The following MLIP variants were observed in gnomAD, a reference collection of about 807,000 sequenced individuals.
MLIP encodes the protein muscular LMNA-interacting protein.
In MLIP, 79 loss-of-function variants were observed where a neutral mutation model predicts 84.8. The ratio of observed to expected loss-of-function variants is 0.93; its 90% CI spans 0.78 to 1.12. The LOEUF (loss-of-function observed/expected upper bound fraction) is 1.12, where lower values mean the gene tolerates loss of function less well. Among genes scored for constraint, MLIP ranks in the 50% most tolerant of loss-of-function variants. The probability of loss-of-function intolerance (pLI) is 0.00; values close to 1 mark genes in which losing one functional copy is unlikely to be tolerated. For missense variants in MLIP, 1,257 were observed against 1,160.6 expected (o/e 1.08, Z -1.21); for synonymous variants, 504 against 463.0 (o/e 1.09, Z -1.14).
At chr6:54,034,228 A>G (rs1429307594) in intron 1 of MLIP, among the ~76,000 whole-genome samples, 2 of 152,218 alleles carry the variant, frequency 1.3e-5, no homozygotes, top group Admixed American at 6.5e-5. Context: ...TCAGATTTCT[A>G]TGTTAGTGTG....
chr6:54,201,222 G>C (rs549909681), intron 10 of MLIP, among the ~76,000 whole-genome samples: 35 of 152,298 alleles, frequency 2.3e-4, no homozygotes, highest in African/African-American at 7.7e-4. Flanking sequence ...AGAATCTCGA[G>C]TGACTGATGT....
intron 4 of MLIP, among the ~76,000 whole-genome samples, chr6:54,140,532 A>C (rs1219274557): frequency 5.3e-5 from 8 of 152,214 alleles, no homozygotes. Context: ...TGAACAGAAA[A>C]AAAAGCTTCT....
chr6:54,028,332 A>T (rs1763937596), intron 1 of MLIP, among the ~76,000 whole-genome samples: 1 of 152,244 alleles, frequency 6.6e-6, no homozygotes, highest in Non-Finnish European at 1.5e-5. Context: ...TAGCTGTCAG[A>T]GCGTAGCAAT....
At chr6:54,165,476 A>C (rs1775082178) in intron 8 of MLIP, among the ~76,000 whole-genome samples, 1 of 151,934 alleles carries the variant, frequency 6.6e-6, no homozygotes, top group Non-Finnish European at 1.5e-5. Flanking sequence ...TACAACCCTC[A>C]GATTTTAGCC....
At chr6:54,098,533 G>A (rs959080795) in intron 1 of MLIP, among the ~76,000 whole-genome samples, 1 of 151,788 alleles carries the variant, frequency 6.6e-6, no homozygotes, top group African/African-American at 2.4e-5. Context: ...GCAGGATGGT[G>A]TCAGGGAGGA....
At chr6:54,258,413 A>C (rs956534134) in intron 13 of MLIP, among the ~76,000 whole-genome samples, 1 of 152,112 alleles carries the variant, frequency 6.6e-6, no homozygotes, top group African/African-American at 2.4e-5. Flanking sequence ...TTAGTCATTA[A>C]AATATAAAGT....
intron 1 of MLIP, chr6:54,030,536 C>T (rs1244643357): frequency 6.6e-6 from 1 of 151,290 alleles, no homozygotes; most frequent in African/African-American, 2.4e-5. Context: ...ACACGATTGA[C>T]AGCACAATCT....
At chr6:54,091,464 T>C (rs950897659) in intron 1 of MLIP, among the ~76,000 whole-genome samples, 11 of 152,174 alleles carry the variant, frequency 7.2e-5, no homozygotes, top group Admixed American at 2.0e-4. Flanking sequence ...TGAGAGAAAT[T>C]ATTTAGCAAT....
chr6:54,158,720 G>C (rs1175638725), intron 5 of MLIP, among the ~76,000 whole-genome samples: 1 of 152,024 alleles, frequency 6.6e-6, no homozygotes, highest in Non-Finnish European at 1.5e-5. Context: ...AAAAAAGTGG[G>C]GGAAATCCCC....
intron 1 of MLIP, among the ~76,000 whole-genome samples, chr6:54,067,705 G>A (rs1367842412): frequency 9.9e-6 from 1 of 101,098 alleles, no homozygotes; most frequent in African/African-American, 2.5e-5. Context: ...AATATTCACA[G>A]CACAAAGGCA....
At chr6:54,067,479 A>T (rs1252789959) in intron 1 of MLIP, among the ~76,000 whole-genome samples, 1 of 101,304 alleles carries the variant, frequency 9.9e-6, no homozygotes, top group African/African-American at 2.5e-5. Flanking sequence ...AACCTTCCAC[A>T]GCTTCTGTAG....
At chr6:54,098,775 T>A (rs1768414903) in intron 1 of MLIP, among the ~76,000 whole-genome samples, 2 of 152,194 alleles carry the variant, frequency 1.3e-5, no homozygotes, top group African/African-American at 4.8e-5. Flanking sequence ...TAATATTTAT[T>A]CTGTGCCTAC....
chr6:54,160,988 AT>A (rs1774581131), intron 8 of MLIP, among the ~76,000 whole-genome samples, 189 bp downstream of exon 8: 1 of 152,070 alleles, frequency 6.6e-6, no homozygotes, highest in Admixed American at 6.6e-5. Context: ...TTTTGTTGAC[AT>A]TTGTTTACAT....
chr6:54,184,976 A>G, intron 9 of MLIP, among the ~76,000 whole-genome samples: 1 of 152,180 alleles, frequency 6.6e-6, no homozygotes, highest in East Asian at 1.9e-4. Context: ...TTCAAATCCA[A>G]TTTCAAATTT....
chr6:54,230,942 G>T (rs1391645055), intron 12 of MLIP, 25 bp downstream of exon 12: 2 of 1,607,256 alleles, frequency 1.2e-6, no homozygotes, highest in Non-Finnish European at 1.7e-6. Flanking sequence ...CCAAAATGAG[G>T]ACTATTCTAT....
intron 4 of MLIP, among the ~76,000 whole-genome samples, chr6:54,145,367 A>G (rs1772694553): frequency 6.6e-6 from 1 of 152,170 alleles, no homozygotes. Flanking sequence ...GAGGAAAAAC[A>G]GTGGACTCAA....
intron 4 of MLIP, among the ~76,000 whole-genome samples, chr6:54,146,914 A>G (rs1239991732): frequency 6.6e-5 from 10 of 152,314 alleles, no homozygotes; most frequent in Admixed American, 6.5e-4. Flanking sequence ...CAGGACTGAC[A>G]TGCACTATCT....
intron 1 of MLIP, among the ~76,000 whole-genome samples, chr6:54,097,917 T>C (rs947468714): frequency 3.9e-5 from 6 of 152,068 alleles, no homozygotes; most frequent in Admixed American, 6.6e-5. Flanking sequence ...CCCAATCCGA[T>C]GACTTGCACC....
At chr6:54,158,676 G>A (rs937169050) in intron 5 of MLIP, among the ~76,000 whole-genome samples, 11 of 152,074 alleles carry the variant, frequency 7.2e-5, no homozygotes, top group African/African-American at 2.7e-4. Flanking sequence ...ACAATTTTGT[G>A]TGTGTTCAAC....
Sources: gnomAD v4.1 joint callset for allele counts (sites outside exome capture counted in the v4.1 genomes callset) on GRCh38, gnomAD v4.1.1 for gene constraint, MANE v1.5 for transcripts, NCBI Gene and HGNC (gene_info 2026-07-23, HGNC 2026-07-21) for gene names.